HAUS6: variants seen among roughly 807,000 people sequenced by gnomAD.
HAUS6 encodes the protein HAUS augmin like complex subunit 6, also known as HAUS augmin-like complex subunit 6.
A neutral mutation model predicts 106.8 loss-of-function variants in HAUS6; 80 were observed. That is an observed-to-expected ratio of 0.75 (90% CI 0.63 to 0.90). HAUS6 has a LOEUF of 0.90. Ranked by LOEUF, HAUS6 falls within the 40% of genes least tolerant of loss-of-function variation. HAUS6 has a pLI of 0.00. For synonymous variants in HAUS6, 356 were observed against 379.1 expected (o/e 0.94, Z 0.71); for missense variants, 1,155 against 1,118.1 (o/e 1.03, Z -0.47).
chr9:19,073,447 T>C (rs10963937), intron 11 of HAUS6, among the ~76,000 whole-genome samples: 13,296 of 147,736 alleles, frequency 0.09, 957 homozygotes, highest in African/African-American at 0.2. Flanking sequence ...CTCCCAAGAG[T>C]ACAACTTCCA....
intron 11 of HAUS6, among the ~76,000 whole-genome samples, chr9:19,074,720 C>T (rs1836956480): frequency 6.6e-6 from 1 of 152,170 alleles, no homozygotes; most frequent in South Asian, 2.1e-4. Context: ...CCTGTGCTAA[C>T]TGCTGTCATG....
intron 12 of HAUS6, among the ~76,000 whole-genome samples, chr9:19,068,019 GT>G (rs1422765575): frequency 6.6e-6 from 1 of 151,558 alleles, no homozygotes; most frequent in African/African-American, 2.4e-5. Context: ...TTATCTTGAG[GT>G]TTAATGGGGT....
chr9:19,098,159 G>T (rs1817902594), intron 1 of HAUS6, among the ~76,000 whole-genome samples: 1 of 152,156 alleles, frequency 6.6e-6, no homozygotes, highest in South Asian at 2.1e-4. Flanking sequence ...TTCTGTAAGG[G>T]GTCGGGTGCA....
chr9:19,054,108 G>T lies in HAUS6; in HGVS notation c.*2235C>A, dbSNP rs1455443176. 6.6e-6 allele frequency: 1 copy of T among 152,134 alleles called. No homozygotes were observed. Among genetic ancestry groups the T allele is most frequent in the Non-Finnish European group, 1.5e-5 (1 of 68,032 alleles). The allele number at this position is 152,134 out of a possible 1,614,324, so 9.4% of individuals were successfully genotyped here. On this transcript the variant is annotated 3_prime_UTR_variant, in exon 17 of 17. Transcript: ENST00000380502. ...TTTTTCTGAGGCTTAAAAGAGAGCT[G>T]TAATTGTGGTAAACTAGTAGAGGAA...
At chr9:19,080,374 T>C in intron 9 of HAUS6, 105 bp downstream of exon 9, 1 of 704,132 alleles carries the variant, frequency 1.4e-6, no homozygotes. Flanking sequence ...ATTAGAATTC[T>C]CATACTTGTT....
chr9:19,061,353 T>C (rs750011701), intron 14 of HAUS6, among the ~76,000 whole-genome samples: 3 of 152,332 alleles, frequency 2.0e-5, no homozygotes, highest in South Asian at 4.1e-4. Flanking sequence ...TCCTCTTCTA[T>C]CTGATCCCAT....
rs778095707 is a variant in HAUS6, at chr9:19,063,210, T to C, written c.1444-17A>G. On this transcript the variant is annotated splice_polypyrimidine_tract_variant and intron_variant, in intron 13 of 16. Transcript: ENST00000380502. ...CTTTGTGTCCTGAAGAAGACAGATA[T>C]GTAATGTTAAACCCTTAATAATCAT... is the stretch of plus-strand genomic sequence containing the variant. The C allele has an allele frequency of 2.6e-6, 4 of 1,537,908 alleles. No homozygotes were observed. The highest frequency in any genetic ancestry group is 1.2e-5 in the South Asian group (1 of 86,308).
chr9:19,085,301 G>C (rs1256267220), intron 7 of HAUS6, among the ~76,000 whole-genome samples: 2 of 152,100 alleles, frequency 1.3e-5, no homozygotes, highest in Non-Finnish European at 2.9e-5. Flanking sequence ...ACTCAGAAGA[G>C]ACTGATGTGA....
intron 12 of HAUS6, among the ~76,000 whole-genome samples, chr9:19,065,790 G>A (rs1050169609): frequency 2.0e-4 from 31 of 152,116 alleles, no homozygotes; most frequent in East Asian, 1.4e-3. Context: ...GCAGTGAGCC[G>A]AGATCGTGCC....
Position 19,080,917 on chromosome 9 carries a change from A to G in HAUS6, c.871-245T>C, listed in dbSNP as rs1336426609. Among the ~76,000 whole-genome samples, 5 of 152,222 alleles carry G rather than the reference A, an allele frequency of 3.3e-5. 1 individual carries two copies. The highest frequency in any genetic ancestry group is 1.2e-4 in the African/African-American group (5 of 41,538). ...GAGAAACCCTGTCTCTACTAAAAAT[A>G]CAAAATTAGCTGGGCGTGGTGGCAC... On this transcript the variant is annotated intron_variant, in intron 8 of 16. Transcript: ENST00000380502.
chr9:19,092,204 C>T (rs529059677), intron 4 of HAUS6, among the ~76,000 whole-genome samples: 1 of 151,996 alleles, frequency 6.6e-6, no homozygotes, highest in Non-Finnish European at 1.5e-5. Flanking sequence ...TGCATGTAAT[C>T]CCAGCACTTT....
At chr9:19,059,967 G>A (rs1836572507) in intron 15 of HAUS6, 121 bp downstream of exon 15, 4 of 693,280 alleles carry the variant, frequency 5.8e-6, no homozygotes, top group Admixed American at 3.0e-5. Flanking sequence ...TTAGTACGTC[G>A]ATTACAACAG....
chr9:19,093,876 A>AG (rs951615087), intron 3 of HAUS6, among the ~76,000 whole-genome samples: 2 of 152,200 alleles, frequency 1.3e-5, no homozygotes, highest in African/African-American at 4.8e-5. Context: ...CTCAAAAAAA[A>AG]GTAATAATAA....
At chr9:19,073,196 TA>T (rs1479898734) in intron 11 of HAUS6, among the ~76,000 whole-genome samples, 11 of 152,076 alleles carry the variant, frequency 7.2e-5, no homozygotes, top group African/African-American at 2.7e-4. Context: ...TTAAAAAACC[TA>T]AAGTGAATAT....
At chr9:19,084,148 T>C (rs997835067) in intron 7 of HAUS6, among the ~76,000 whole-genome samples, 94 of 151,572 alleles carry the variant, frequency 6.2e-4, no homozygotes, top group African/African-American at 2.1e-3. Flanking sequence ...AAAGGGTACA[T>C]TGGTGCTATA....
At position 19,075,960 on chromosome 9, in the gene HAUS6, G is replaced by GA. The variant is rs1212966351; in HGVS notation, c.1294+641dup. On this transcript the variant is annotated intron_variant, in intron 11 of 16. Coordinates refer to ENST00000380502, the MANE Select transcript of HAUS6 (RefSeq NM_017645.5). ...GGCAACAGAGCAAGACTCCATCTCG[G>GA]AAAAAAAAAAAAAAAAAAACACAAG... is the stretch of plus-strand genomic sequence containing the variant. Among the ~76,000 whole-genome samples the GA allele has an allele frequency of 5.7e-3, 769 of 135,674 alleles. 4 individuals carry two copies. The highest frequency in any genetic ancestry group is 6.6e-3 in the Non-Finnish European group (416 of 62,902). 89.0% of individuals were successfully genotyped at this position (135,674 alleles called of 152,430 possible).
At chr9:19,064,666 C>A (rs1445485626) in intron 12 of HAUS6, among the ~76,000 whole-genome samples, 1 of 152,188 alleles carries the variant, frequency 6.6e-6, no homozygotes, top group Non-Finnish European at 1.5e-5. Context: ...ACTAGAAGTA[C>A]AAAATTAATA....
rs777355985 is a variant in HAUS6, at chr9:19,063,724, T to C, written c.1377-144A>G. 9.1e-6 allele frequency: 7 copies of C among 770,146 alleles called. No individual in the cohort carries two copies. The Middle Eastern group carries it at 6.8e-4, about 75-fold the overall frequency. The allele number at this position is 770,146 out of a possible 1,614,324, so 47.7% of individuals were successfully genotyped here. On this transcript the variant is annotated intron_variant, in intron 12 of 16. Coordinates refer to ENST00000380502, the MANE Select transcript of HAUS6 (RefSeq NM_017645.5). ...GTCCCGGTCATCAAAAGGCAGTTTA[T>C]TCTAGGGAGGCATGGTGACAAGTAG...
At chr9:19,100,057 T>C (rs568018436) in intron 1 of HAUS6, among the ~76,000 whole-genome samples, 1 of 152,278 alleles carries the variant, frequency 6.6e-6, no homozygotes, top group Non-Finnish European at 1.5e-5. Context: ...TAGCCAGGCG[T>C]GGTGGCAGGC....
Sources: allele counts gnomAD v4.1 joint callset (sites outside exome capture counted in the v4.1 genomes callset), GRCh38; gene constraint gnomAD v4.1.1; transcripts MANE v1.5; gene names NCBI Gene and HGNC (gene_info 2026-07-23, HGNC 2026-07-21).